The following S100A8 variants were observed in gnomAD, a reference collection of about 807,000 sequenced individuals.
S100A8 encodes the protein S100 calcium binding protein A8, also known as protein S100-A8.
A neutral mutation model predicts 4.2 loss-of-function variants in S100A8; 1 was observed. The ratio of observed to expected loss-of-function variants is 0.24; its 90% CI spans 0.08 to 1.12. The LOEUF (loss-of-function observed/expected upper bound fraction) is 1.12. Among genes scored for constraint, S100A8 ranks in the 50% most tolerant of loss-of-function variants. S100A8 has a pLI of 0.53. For synonymous variants in S100A8, 41 were observed against 44.7 expected (o/e 0.92, Z 0.33); for missense variants, 96 against 111.8 (o/e 0.86, Z 0.64).
At chr1:153,413,497 C>T in the S100A8 span, among the ~76,000 whole-genome samples, 1 of 152,186 alleles carries the variant, frequency 6.6e-6, no homozygotes, top group Non-Finnish European at 1.5e-5. Context: ...CTGTTGAGTT[C>T]CTGGGCAGAC....
chr1:153,391,398 C>G (rs1406450428), upstream of S100A8, among the ~76,000 whole-genome samples: 1 of 152,078 alleles, frequency 6.6e-6, no homozygotes. Context: ...TTGCTAATCC[C>G]CTGCATTGGT....
At chr1:153,410,796 G>T in the S100A8 span, among the ~76,000 whole-genome samples, 4 of 152,142 alleles carry the variant, frequency 2.6e-5, no homozygotes, top group Non-Finnish European at 5.9e-5. Context: ...GATCAAGTGG[G>T]CTTAATCCCT....
chr1:153,419,153 G>A, the S100A8 span: 9 of 1,613,704 alleles, frequency 5.6e-6, no homozygotes, highest in East Asian at 1.8e-4. Flanking sequence ...AGGACAAAAA[G>A]GGCATACATT....
the S100A8 span, among the ~76,000 whole-genome samples, chr1:153,402,035 A>G: frequency 6.6e-6 from 1 of 152,192 alleles, no homozygotes; most frequent in African/African-American, 2.4e-5. Context: ...GATGCATTAG[A>G]ATCCTCACAG....
the S100A8 span, chr1:153,419,441 T>G: frequency 1.8e-6 from 2 of 1,090,062 alleles, no homozygotes; most frequent in Non-Finnish European, 2.6e-6. Context: ...TTAACTTTGT[T>G]GGAGAATTTC....
the S100A8 span, among the ~76,000 whole-genome samples, chr1:153,413,431 G>T: frequency 1.3e-5 from 2 of 152,172 alleles, no homozygotes; most frequent in South Asian, 4.1e-4. Context: ...CTGGGCTGTG[G>T]CAGCATCTGC....
chr1:153,409,375 CAAAG>C, the S100A8 span, among the ~76,000 whole-genome samples: 2 of 152,110 alleles, frequency 1.3e-5, no homozygotes, highest in African/African-American at 4.8e-5. Flanking sequence ...ACAGACGCGA[CAAAG>C]AAGGCCATTA....
the S100A8 span, among the ~76,000 whole-genome samples, chr1:153,415,428 A>G: frequency 3.9e-3 from 590 of 152,272 alleles, 4 homozygotes; most frequent in African/African-American, 0.013. Flanking sequence ...CCTACAAGGA[A>G]CATTGTAAGG....
At chr1:153,392,082 T>C (rs563546154), upstream of S100A8, among the ~76,000 whole-genome samples, 11 of 152,230 alleles carry the variant, frequency 7.2e-5, no homozygotes, top group African/African-American at 2.6e-4. Context: ...AAGAAAATAT[T>C]TGTAAAACAA....
At chr1:153,398,359 TCCTAACCCCACCCCACCCTACTCCCAC>T in the S100A8 span, among the ~76,000 whole-genome samples, 1 of 152,164 alleles carries the variant, frequency 6.6e-6, no homozygotes, top group Non-Finnish European at 1.5e-5. Context: ...AAGTAATGTT[TCCTAACCCCACCCCACCCTACTCCCAC>T]CCTGGTTAGG....
chr1:153,403,823 A>T, the S100A8 span, among the ~76,000 whole-genome samples: 2 of 151,790 alleles, frequency 1.3e-5, no homozygotes, highest in Admixed American at 6.6e-5. Context: ...ATTCTCCAAC[A>T]CTCTGAACAC....
At chr1:153,399,755 G>T in the S100A8 span, among the ~76,000 whole-genome samples, 13 of 152,144 alleles carry the variant, frequency 8.5e-5, no homozygotes, top group African/African-American at 2.9e-4. Flanking sequence ...TGGGGAGTTG[G>T]GGGGGACTTC....
upstream of S100A8, among the ~76,000 whole-genome samples, chr1:153,393,011 A>C (rs535529584): frequency 2.0e-5 from 3 of 152,284 alleles, no homozygotes; most frequent in South Asian, 6.2e-4. Context: ...TTCTCACACT[A>C]ATCCAATGAC....
In S100A8 at chr1:153,390,238, CT is replaced by C; in HGVS notation, c.146del (p.Lys49ArgfsTer27). On this transcript the variant is annotated frameshift_variant, in exon 3 of 3. Transcript: ENST00000368733. LOFTEE classifies it low-confidence loss of function (END_TRUNC). ...ETECPQYIRK[K>X]GADVWFKELD... ...ACTCTTTGAACCAGACGTCTGCACC[CT>C]TTTTCTGTCAAGATTGAGGAGGAAG... 2 of 1,609,716 alleles carry C rather than the reference CT, an allele frequency of 1.2e-6. No individual in the cohort carries two copies. Among genetic ancestry groups the C allele is most frequent in the Non-Finnish European group, 1.7e-6 (2 of 1,177,354 alleles).
At chr1:153,391,084 G>C, upstream of S100A8, 1 of 985,980 alleles carries the variant, frequency 1.0e-6, no homozygotes. Flanking sequence ...GCAGGGCTGA[G>C]AGGCAGCTCC....
At chr1:153,392,186 C>T (rs11205281), upstream of S100A8, among the ~76,000 whole-genome samples, 12,819 of 152,194 alleles carry the variant, frequency 0.084, 632 homozygotes, top group Middle Eastern at 0.12. Context: ...GGGGAAAAGA[C>T]TCAAATAGAC....
chr1:153,408,509 C>T, the S100A8 span, among the ~76,000 whole-genome samples: 3 of 152,150 alleles, frequency 2.0e-5, 1 homozygote, highest in East Asian at 1.9e-4. Context: ...GCTTGGTGTA[C>T]ATGAAAGTGA....
At chr1:153,417,880 G>A in the S100A8 span, 391 of 653,746 alleles carry the variant, frequency 6.0e-4, 1 homozygote, top group South Asian at 5.2e-3. Context: ...AGGATGGGCC[G>A]GGTCTCAGAC....
At chr1:153,404,137 G>A in the S100A8 span, among the ~76,000 whole-genome samples, 1 of 152,204 alleles carries the variant, frequency 6.6e-6, no homozygotes, top group Non-Finnish European at 1.5e-5. Context: ...GGCCATGTAT[G>A]AGGGGCAGCA....
Sources: gnomAD v4.1 joint callset for allele counts (sites outside exome capture counted in the v4.1 genomes callset) on GRCh38, gnomAD v4.1.1 for gene constraint, MANE v1.5 for transcripts, NCBI Gene and HGNC (gene_info 2026-07-23, HGNC 2026-07-21) for gene names.